USP34: variants seen among roughly 807,000 people sequenced by gnomAD.
USP34 encodes ubiquitin specific peptidase 34.
Under a neutral mutation model 460.3 loss-of-function variants are expected in USP34, and 70 were observed. The ratio of observed to expected loss-of-function variants is 0.15; its 90% CI spans 0.13 to 0.19. USP34 has a LOEUF of 0.19. Among genes scored for constraint, USP34 ranks in the 10% least tolerant of loss-of-function variants. The pLI is 1.00. For missense variants in USP34, 3,985 were observed against 4,236.2 expected (o/e 0.94, Z 1.65); for synonymous variants, 1,647 against 1,405.3 (o/e 1.17, Z -3.85).
Position 61,350,248 on chromosome 2 carries a change from G to A in USP34, c.1507+12C>T, listed in dbSNP as rs200920741. The A allele has an allele frequency of 2.0e-4, 311 of 1,586,980 alleles. No homozygotes were observed. The highest frequency in any genetic ancestry group is 7.6e-4 in the South Asian group (66 of 86,772). ...CTCAACAATTTACTTCAAAATACATGACATTACTAACCTTTCTTATTTCCA... is the reference window on the plus strand; with the variant it reads ...CTCAACAATTTACTTCAAAATACATAACATTACTAACCTTTCTTATTTCCA... On this transcript the variant is annotated intron_variant, in intron 12 of 79. Coordinates refer to ENST00000398571, the MANE Select transcript of USP34 (RefSeq NM_014709.4).
intron 10 of USP34, among the ~76,000 whole-genome samples, chr2:61,366,072 T>C: frequency 6.6e-6 from 1 of 152,110 alleles, no homozygotes; most frequent in Admixed American, 6.6e-5. Context: ...ATTACAGGCA[T>C]GCGCCGCCAT....
At position 61,227,683 on chromosome 2, in the gene USP34, C is replaced by A. The variant is rs1381923072; in HGVS notation, c.7444-465G>T. On this transcript the variant is annotated intron_variant, in intron 61 of 79. Transcript: ENST00000398571. ...CTGAGATAGCACCACTGCACTCCAGCCTGGGAGACAGAGTGAGACTCTGTC... is the reference window on the plus strand; with the variant it reads ...CTGAGATAGCACCACTGCACTCCAGACTGGGAGACAGAGTGAGACTCTGTC... Among the ~76,000 whole-genome samples, 5 of 151,980 alleles carry A rather than the reference C, an allele frequency of 3.3e-5. No individual in the cohort carries two copies. In the South Asian group the frequency reaches 8.3e-4, roughly 25 times the overall value.
At chr2:61,377,731 C>T (rs1053298183) in intron 8 of USP34, among the ~76,000 whole-genome samples, 2 of 152,146 alleles carry the variant, frequency 1.3e-5, no homozygotes, top group Non-Finnish European at 2.9e-5. Context: ...ATAAGTCATC[C>T]AATCTACAGT....
At chr2:61,400,255 A>C (rs1304788403) in intron 3 of USP34, among the ~76,000 whole-genome samples, 1 of 151,792 alleles carries the variant, frequency 6.6e-6, no homozygotes, top group Non-Finnish European at 1.5e-5. Flanking sequence ...GACTACAGGC[A>C]CCCGCCACCA....
Position 61,320,820 on chromosome 2 carries a change from G to A in USP34, c.3014-1493C>T, listed in dbSNP as rs1183517074. On this transcript the variant is annotated intron_variant, in intron 21 of 79. Coordinates refer to ENST00000398571, the MANE Select transcript of USP34 (RefSeq NM_014709.4). ...AGGTCAGGAGTTCAGAACCAGCCTAGTCAACATGGTGAAACCCCGTCTCTA... is the reference window on the plus strand; with the variant it reads ...AGGTCAGGAGTTCAGAACCAGCCTAATCAACATGGTGAAACCCCGTCTCTA... Among the ~76,000 whole-genome samples, 3 of 152,296 alleles carry A rather than the reference G, an allele frequency of 2.0e-5. No homozygotes were observed. In the East Asian group the frequency reaches 5.8e-4, roughly 29 times the overall value.
In USP34 at chr2:61,188,948, G is replaced by C; in HGVS notation, c.9995C>G (p.Ser3332Ter). Residue 3332 changes from serine (S) to a stop codon, truncating the protein, a stop_gained, in exon 79 of 80, where the codon TCA becomes TGA. Transcript: ENST00000398571. LOFTEE classifies it high-confidence loss of function. ...TTCTTTGGCTTCTTGCTCTTGGAGT[G>C]AGTTTCTCTGTTGCAGACAAGTCCT... is the stretch of plus-strand genomic sequence containing the variant. ...KCRTCLQQRN[S>*]LQEQEAKERK... 1 of 1,614,206 alleles carries C rather than the reference G, an allele frequency of 6.2e-7. No homozygotes were observed.
At chr2:61,391,434 T>C (rs1354542889) in intron 5 of USP34, among the ~76,000 whole-genome samples, 1 of 152,202 alleles carries the variant, frequency 6.6e-6, no homozygotes, top group Non-Finnish European at 1.5e-5. Context: ...TGTGATTTAG[T>C]ATAATAGAGA....
chr2:61,308,132 T>C lies in USP34; in HGVS notation c.3817+3408A>G, dbSNP rs1401466237. ...AGAAACTCAGATCTGTGCACAGGAA[T>C]GAAAAGTGTCAGAAGTGCTAAATAT... On this transcript the variant is annotated intron_variant, in intron 27 of 79. Coordinates refer to ENST00000398571, the MANE Select transcript of USP34 (RefSeq NM_014709.4). 2.0e-5 allele frequency among the ~76,000 whole-genome samples: 3 copies of C among 151,844 alleles called. No individual in the cohort carries two copies. The East Asian group carries it at 5.8e-4, about 29-fold the overall frequency.
intron 6 of USP34, among the ~76,000 whole-genome samples, chr2:61,380,931 C>A (rs1396903468): frequency 6.6e-6 from 1 of 152,184 alleles, no homozygotes; most frequent in African/African-American, 2.4e-5. Flanking sequence ...ATGGCAATCA[C>A]AGAATGTGGG....
intron 2 of USP34, among the ~76,000 whole-genome samples, chr2:61,415,081 G>A (rs6759324): frequency 4.6e-5 from 7 of 152,142 alleles, no homozygotes; most frequent in African/African-American, 1.7e-4. Context: ...TACTCAGGGC[G>A]TGGAATCTTA....
intron 75 of USP34, among the ~76,000 whole-genome samples, chr2:61,201,292 G>A (rs529537122): frequency 4.8e-5 from 7 of 145,896 alleles, no homozygotes; most frequent in South Asian, 4.3e-4. Context: ...CTCGGCTCAC[G>A]GCAACCTCCG....
intron 1 of USP34, among the ~76,000 whole-genome samples, chr2:61,447,254 C>CAAAAAA (rs763711140): frequency 8.4e-5 from 5 of 59,670 alleles, no homozygotes; most frequent in Non-Finnish European, 1.5e-4. Context: ...AACTGTCTTC[C>CAAAAAA]AAAAAAAAAA....
chr2:61,245,322 C>T (rs1558488079), intron 50 of USP34, 34 bp from the exon 51 acceptor site: 8 of 1,258,116 alleles, frequency 6.4e-6, no homozygotes, highest in Admixed American at 2.1e-5. Context: ...ATCTAGTATG[C>T]ATATAATGAG....
At chr2:61,380,875 A>G (rs1478378885) in intron 6 of USP34, among the ~76,000 whole-genome samples, 1 of 152,220 alleles carries the variant, frequency 6.6e-6, no homozygotes, top group Non-Finnish European at 1.5e-5. Context: ...GAAGCCAACT[A>G]CAAGACATAT....
rs1182651348 is a variant in USP34 at position 61,216,469 on chromosome 2, G to A, written c.8048-1775C>T. Reference sequence around the variant, plus strand: ...CAAAAAATTAGCCAGGCGTGGTGGTGAGCGCCTGTAGTCCCAGCTACTCGG... The same window carrying A: ...CAAAAAATTAGCCAGGCGTGGTGGTAAGCGCCTGTAGTCCCAGCTACTCGG... On this transcript the variant is annotated intron_variant, in intron 67 of 79. Coordinates refer to ENST00000398571, the MANE Select transcript of USP34 (RefSeq NM_014709.4). 2.0e-5 allele frequency among the ~76,000 whole-genome samples: 3 copies of A among 151,964 alleles called. 1 individual carries two copies. Among genetic ancestry groups the A allele is most frequent in the Non-Finnish European group, 4.4e-5 (3 of 67,992 alleles).
chr2:61,384,630 G>A (rs765027718), intron 5 of USP34, among the ~76,000 whole-genome samples: 13 of 151,988 alleles, frequency 8.6e-5, no homozygotes, highest in African/African-American at 1.2e-4. Context: ...CCAGGATCGC[G>A]TCACTGTACT....
intron 27 of USP34, among the ~76,000 whole-genome samples, chr2:61,308,413 G>C (rs188979518): frequency 6.6e-6 from 1 of 152,086 alleles, no homozygotes; most frequent in East Asian, 1.9e-4. Flanking sequence ...AAATAATGTT[G>C]AGAACATCTC....
intron 25 of USP34, 110 bp from the exon 26 acceptor site, chr2:61,312,020 G>T: frequency 7.4e-7 from 1 of 1,348,646 alleles, no homozygotes; most frequent in Non-Finnish European, 9.9e-7. Flanking sequence ...GAAGTTCTAA[G>T]TTCATTCCAA....
chr2:61,343,794 T>G, intron 16 of USP34, 21 bp downstream of exon 16: 1 of 1,603,074 alleles, frequency 6.2e-7, no homozygotes, highest in South Asian at 1.1e-5. Flanking sequence ...GTAATATATT[T>G]TACTTACTGT....
Sources: allele counts gnomAD v4.1 joint callset (sites outside exome capture counted in the v4.1 genomes callset), GRCh38; gene constraint gnomAD v4.1.1; transcripts MANE v1.5; gene names NCBI Gene and HGNC (gene_info 2026-07-23, HGNC 2026-07-21).